The following HYDIN variants were observed in gnomAD, a reference collection of about 807,000 sequenced individuals.
HYDIN encodes the protein HYDIN axonemal central pair apparatus protein, also known as axonemal central pair apparatus protein HYDIN.
In HYDIN, 132 loss-of-function variants were observed where a neutral mutation model predicts 403.9. The observed-to-expected ratio is 0.33, with a 90% CI of 0.28 to 0.38. The LOEUF is 0.38. Ranked by LOEUF, HYDIN falls within the 10% of genes least tolerant of loss-of-function variation. HYDIN has a pLI of 1.00. For synonymous variants in HYDIN, 1,202 were observed against 1,891.7 expected (o/e 0.64, Z 9.46); for missense variants, 2,827 against 5,009.5 (o/e 0.56, Z 13.15).
intron 9 of HYDIN, among the ~76,000 whole-genome samples, chr16:71,125,832 C>A (rs1431813491): frequency 6.6e-6 from 1 of 152,132 alleles, no homozygotes; most frequent in East Asian, 1.9e-4. Context: ...CTGGGCTGTT[C>A]CAGGTCAGCA....
rs557806091 is a variant in HYDIN at position 70,871,589 on chromosome 16, G to A, written c.11091+448C>T. ...TAACAAGGTTTTAACATGCCAAAGA[G>A]AACCAGGAATATTTAAGGAAGGATG... On this transcript the variant is annotated intron_variant, in intron 65 of 85. Coordinates refer to ENST00000393567, the MANE Select transcript of HYDIN (RefSeq NM_001270974.2). Among the ~76,000 whole-genome samples the A allele has an allele frequency of 2.6e-5, 4 of 152,104 alleles. No homozygotes were observed. In the East Asian group the frequency reaches 7.7e-4, roughly 29 times the overall value.
At chr16:70,809,747 G>A in intron 85 of HYDIN, 36 bp downstream of exon 85, 1 of 1,512,984 alleles carries the variant, frequency 6.6e-7, no homozygotes, top group Non-Finnish European at 9.2e-7. Context: ...GCGTTCATGT[G>A]AGGGAAGGGC....
chr16:70,940,857 G>C (rs977179987), intron 43 of HYDIN, among the ~76,000 whole-genome samples: 2 of 152,264 alleles, frequency 1.3e-5, no homozygotes, highest in African/African-American at 4.8e-5. Flanking sequence ...AGGAAGGGCA[G>C]TCGTGTGGCT....
intron 19 of HYDIN, chr16:71,031,339 G>A: frequency 2.1e-6 from 1 of 479,902 alleles, no homozygotes; most frequent in Non-Finnish European, 2.9e-6. Flanking sequence ...CATTTGTGGA[G>A]AGGGATTAAC....
intron 13 of HYDIN, among the ~76,000 whole-genome samples, chr16:71,073,516 C>T (rs2089949): frequency 4.1e-4 from 63 of 152,236 alleles, no homozygotes; most frequent in African/African-American, 1.5e-3. Flanking sequence ...GAAGAGACAC[C>T]GGTAATGCAT....
At chr16:71,124,300 G>T (rs2084367627) in intron 9 of HYDIN, among the ~76,000 whole-genome samples, 1 of 152,258 alleles carries the variant, frequency 6.6e-6, no homozygotes, top group African/African-American at 2.4e-5. Context: ...GACAGAGGAA[G>T]GACTTGCAGT....
At chr16:70,887,192 C>T (rs904670521) in intron 58 of HYDIN, among the ~76,000 whole-genome samples, 1 of 152,188 alleles carries the variant, frequency 6.6e-6, no homozygotes, top group Non-Finnish European at 1.5e-5. Context: ...AAGATGTCCA[C>T]ATCCTAATCT....
At chr16:71,043,784 T>C (rs1330294078) in intron 18 of HYDIN, among the ~76,000 whole-genome samples, 1 of 152,054 alleles carries the variant, frequency 6.6e-6, no homozygotes, top group South Asian at 2.1e-4. Context: ...GTTAAGTATT[T>C]ATGTTTAAGA....
chr16:71,225,042 C>T (rs1369499239), intron 1 of HYDIN, among the ~76,000 whole-genome samples: 1 of 152,084 alleles, frequency 6.6e-6, no homozygotes. Context: ...GAGGCACCAA[C>T]AGAATAGGTG....
chr16:71,184,736 G>T, intron 3 of HYDIN, 129 bp downstream of exon 3: 2 of 737,714 alleles, frequency 2.7e-6, no homozygotes, highest in Admixed American at 2.5e-5. Context: ...TTCAGAGGCA[G>T]AAAAGGAGGA....
At chr16:71,175,771 G>A (rs994654740) in intron 4 of HYDIN, 30 bp from the exon 5 acceptor site, 29 of 1,611,546 alleles carry the variant, frequency 1.8e-5, no homozygotes, top group East Asian at 1.8e-4. Context: ...GATGAACATC[G>A]TGCATGTGAA....
chr16:71,012,847 C>CTTTTTTTTTT (rs35998725), intron 23 of HYDIN, among the ~76,000 whole-genome samples: 6 of 125,736 alleles, frequency 4.8e-5, no homozygotes, highest in Admixed American at 8.0e-5. Flanking sequence ...AACCAGGTGG[C>CTTTTTTTTTT]TTTTTTTTTT....
chr16:70,857,986 T>A (rs1365593962), intron 71 of HYDIN, 116 bp from the exon 72 acceptor site: 2 of 1,196,302 alleles, frequency 1.7e-6, no homozygotes, highest in Non-Finnish European at 2.3e-6. Flanking sequence ...AGGCTATTGC[T>A]ACCTTTCTAT....
At chr16:71,219,551 C>T (rs1419689964) in intron 1 of HYDIN, among the ~76,000 whole-genome samples, 1 of 152,114 alleles carries the variant, frequency 6.6e-6, no homozygotes, top group African/African-American at 2.4e-5. Flanking sequence ...TGAACCAATA[C>T]TTTCTAACAA....
intron 58 of HYDIN, among the ~76,000 whole-genome samples, chr16:70,887,613 A>C (rs1329310763): frequency 6.6e-6 from 1 of 152,006 alleles, no homozygotes; most frequent in African/African-American, 2.4e-5. Context: ...ATTTGAGGTA[A>C]TTTGTTGTGA....
At chr16:71,220,760 G>C (rs1461177023) in intron 1 of HYDIN, among the ~76,000 whole-genome samples, 2 of 152,084 alleles carry the variant, frequency 1.3e-5, no homozygotes, top group Admixed American at 6.6e-5. Context: ...ACATTTCTAA[G>C]GTATTTAATT....
Position 70,883,781 on chromosome 16 carries a change from G to A in HYDIN, c.9979+139C>T, listed in dbSNP as rs2040954492. ...AGACGGGGTTTTGCCATGTTGGCCA[G>A]GCTGGTCTCAAACTCCTGACCTTAG... On this transcript the variant is annotated intron_variant, in intron 59 of 85. Transcript: ENST00000393567. 31 of 967,602 alleles carry A rather than the reference G, an allele frequency of 3.2e-5. No homozygotes were observed. In the South Asian group the frequency reaches 4.5e-4, roughly 14 times the overall value. 59.9% of individuals were successfully genotyped at this position (967,602 alleles called of 1,614,324 possible). A position where few individuals can be genotyped will look rare whatever the true frequency, so the allele number is the denominator to read the frequency against.
At chr16:70,938,809 A>G in intron 43 of HYDIN, 54 bp from the exon 44 acceptor site, 6 of 1,598,868 alleles carry the variant, frequency 3.8e-6, no homozygotes, top group Non-Finnish European at 4.3e-6. Context: ...CAGTCTCGCT[A>G]GCAGCCTAAG....
intron 12 of HYDIN, among the ~76,000 whole-genome samples, chr16:71,083,874 G>A (rs1265015615): frequency 8.1e-6 from 1 of 124,032 alleles, no homozygotes; most frequent in Non-Finnish European, 1.6e-5. Flanking sequence ...AACTGCCACA[G>A]TATTGCAGTG....
Sources: allele counts gnomAD v4.1 joint callset (sites outside exome capture counted in the v4.1 genomes callset), GRCh38; gene constraint gnomAD v4.1.1; transcripts MANE v1.5; gene names NCBI Gene and HGNC (gene_info 2026-07-23, HGNC 2026-07-21).